C12orf42: variants seen among roughly 807,000 people sequenced by gnomAD.
C12orf42 encodes chromosome 12 open reading frame 42.
Under a neutral mutation model 21.6 loss-of-function variants are expected in C12orf42, and 25 were observed. That is an observed-to-expected ratio of 1.16 (90% CI 0.84 to 1.62). The LOEUF (loss-of-function observed/expected upper bound fraction) is 1.62, where lower values mean the gene tolerates loss of function less well. Ranked by LOEUF, C12orf42 falls within the 40% of genes most tolerant of loss-of-function variation. The pLI is 0.00. For synonymous variants in C12orf42, 174 were observed against 175.0 expected, an observed-to-expected ratio of 0.99 and a Z score of 0.05; for missense variants, 483 against 459.3, an observed-to-expected ratio of 1.05 and a Z score of -0.47.
intron 4 of C12orf42, among the ~76,000 whole-genome samples, chr12:103,294,421 G>GGA (rs1555245872): frequency 2.2e-4 from 16 of 71,764 alleles, no homozygotes; most frequent in African/African-American, 9.5e-4. Flanking sequence ...AAGAGAGAAA[G>GGA]GAGAGAGAGA....
chr12:103,435,769 G>A (rs1256864004), intron 2 of C12orf42, among the ~76,000 whole-genome samples: 11 of 152,092 alleles, frequency 7.2e-5, no homozygotes, highest in African/African-American at 1.4e-4. Flanking sequence ...CCAAATCTAC[G>A]TCTGATTGGT....
chr12:103,339,988 C>T (rs2042032721), intron 4 of C12orf42, among the ~76,000 whole-genome samples: 2 of 152,180 alleles, frequency 1.3e-5, no homozygotes, highest in African/African-American at 4.8e-5. Context: ...TCTAAAAGCA[C>T]AGTGAACCCA....
At chr12:103,073,932 C>A in the C12orf42 span, among the ~76,000 whole-genome samples, 1 of 152,156 alleles carries the variant, frequency 6.6e-6, no homozygotes, top group South Asian at 2.1e-4. Flanking sequence ...ACATATTTGC[C>A]TGAGGTTACA....
chr12:103,549,839 T>G, the C12orf42 span, among the ~76,000 whole-genome samples: 5 of 152,204 alleles, frequency 3.3e-5, no homozygotes, highest in Non-Finnish European at 7.4e-5. Flanking sequence ...CCGCTGTTCG[T>G]TCAGATGGCT....
At chr12:103,155,500 A>C in the C12orf42 span, among the ~76,000 whole-genome samples, 1 of 152,208 alleles carries the variant, frequency 6.6e-6, no homozygotes, top group East Asian at 1.9e-4. Context: ...TTATAACAAA[A>C]TAACGGTGGG....
chr12:103,526,335 T>C, the C12orf42 span, among the ~76,000 whole-genome samples: 1 of 152,222 alleles, frequency 6.6e-6, no homozygotes, highest in African/African-American at 2.4e-5. Context: ...AAAATCAATA[T>C]GCACTATGGA....
chr12:103,525,889 G>C, the C12orf42 span, among the ~76,000 whole-genome samples: 34 of 152,138 alleles, frequency 2.2e-4, no homozygotes, highest in Non-Finnish European at 4.6e-4. Flanking sequence ...TTAGCTGGGC[G>C]TGGTGGTGGG....
chr12:103,337,342 GT>G (rs987747379), intron 4 of C12orf42, among the ~76,000 whole-genome samples: 5 of 151,874 alleles, frequency 3.3e-5, no homozygotes, highest in African/African-American at 4.8e-5. Context: ...GTGGGGCAAG[GT>G]TTTTTTGTTT....
intron 10 of C12orf42, among the ~76,000 whole-genome samples, chr12:103,241,111 A>G (rs559597714): frequency 6.6e-6 from 1 of 152,266 alleles, no homozygotes; most frequent in Admixed American, 6.5e-5. Context: ...AAGAAGTTAT[A>G]AAAACCATTT....
At chr12:103,108,264 A>G in the C12orf42 span, among the ~76,000 whole-genome samples, 2 of 151,836 alleles carry the variant, frequency 1.3e-5, no homozygotes, top group Non-Finnish European at 2.9e-5. Context: ...CTGTTATATA[A>G]GATGTTTTAG....
the C12orf42 span, among the ~76,000 whole-genome samples, chr12:103,088,188 C>T: frequency 6.6e-6 from 1 of 152,216 alleles, no homozygotes; most frequent in Non-Finnish European, 1.5e-5. Context: ...TGAGGAAACA[C>T]TGCTTCAGAT....
the C12orf42 span, among the ~76,000 whole-genome samples, chr12:103,225,928 G>A: frequency 0.012 from 1,850 of 152,290 alleles, 21 homozygotes; most frequent in Non-Finnish European, 0.021. Flanking sequence ...CTAGGCGATC[G>A]GGCAGTGTCT....
intron 4 of C12orf42, among the ~76,000 whole-genome samples, chr12:103,289,585 TC>T (rs1306356514): frequency 6.6e-6 from 1 of 152,162 alleles, no homozygotes; most frequent in East Asian, 1.9e-4. Flanking sequence ...ATTAAAATGT[TC>T]CAAAATAGCA....
chr12:103,110,983 G>A, the C12orf42 span, among the ~76,000 whole-genome samples: 1 of 152,128 alleles, frequency 6.6e-6, no homozygotes. Context: ...GACTGAAAGG[G>A]CCAGACAGCA....
At chr12:103,514,425 G>A in the C12orf42 span, among the ~76,000 whole-genome samples, 1 of 152,178 alleles carries the variant, frequency 6.6e-6, no homozygotes, top group African/African-American at 2.4e-5. Context: ...CTTCCTGGAA[G>A]ACGGGAAGAG....
intron 2 of C12orf42, among the ~76,000 whole-genome samples, chr12:103,403,746 T>C (rs2048212753): frequency 6.6e-6 from 1 of 152,210 alleles, no homozygotes; most frequent in African/African-American, 2.4e-5. Context: ...CAGTTCTCCT[T>C]CTCCATGGAC....
At chr12:103,452,679 T>C (rs1293177826) in intron 2 of C12orf42, among the ~76,000 whole-genome samples, 2 of 152,090 alleles carry the variant, frequency 1.3e-5, no homozygotes, top group African/African-American at 2.4e-5. Context: ...ATATATACCA[T>C]GGAATACTAT....
At chr12:103,277,235 G>T in intron 4 of C12orf42, 1 of 439,324 alleles carries the variant, frequency 2.3e-6, no homozygotes, top group Non-Finnish European at 4.6e-6. Context: ...CATATGGAAA[G>T]GGGGATAGAA....
the C12orf42 span, among the ~76,000 whole-genome samples, chr12:103,181,156 G>A: frequency 2.6e-5 from 4 of 151,980 alleles, no homozygotes; most frequent in Non-Finnish European, 4.4e-5. Flanking sequence ...CAGCTACTAG[G>A]GAGGCTGAGG....
Sources: gnomAD v4.1 joint callset for allele counts (sites outside exome capture counted in the v4.1 genomes callset) on GRCh38, gnomAD v4.1.1 for gene constraint, MANE v1.5 for transcripts, NCBI Gene and HGNC (gene_info 2026-07-23, HGNC 2026-07-21) for gene names.